Variants in TRAPPC9 observed in about 807,000 individuals in gnomAD.
TRAPPC9 encodes trafficking protein particle complex subunit 9.
In TRAPPC9, 83 loss-of-function variants were observed where a neutral mutation model predicts 124.0. The ratio of observed to expected loss-of-function variants is 0.67; its 90% CI spans 0.56 to 0.80. TRAPPC9 has a LOEUF of 0.80. Ranked by LOEUF, TRAPPC9 falls within the 30% of genes least tolerant of loss-of-function variation. The pLI, the probability that TRAPPC9 is intolerant of heterozygous loss-of-function variation, is 0.00. For synonymous variants in TRAPPC9, 638 were observed against 617.5 expected (o/e 1.03, Z -0.49); for missense variants, 1,302 against 1,508.3 (o/e 0.86, Z 2.27).
At chr8:140,051,357 TG>T (rs1184978897) in intron 17 of TRAPPC9, among the ~76,000 whole-genome samples, 5 of 152,204 alleles carry the variant, frequency 3.3e-5, no homozygotes, top group Admixed American at 2.0e-4. Flanking sequence ...CCTGCACCGT[TG>T]GTCGGTCATT....
chr8:139,904,552 T>C (rs67701708), intron 20 of TRAPPC9: 41,159 of 152,224 alleles, frequency 0.27, 5,625 homozygotes, highest in East Asian at 0.39. Flanking sequence ...GTGATCTCAG[T>C]TGAAGCAGTC....
At chr8:140,045,627 G>T (rs4288356) in intron 17 of TRAPPC9, among the ~76,000 whole-genome samples, 1 of 114,188 alleles carries the variant, frequency 8.8e-6, no homozygotes, top group African/African-American at 4.0e-5. Flanking sequence ...ACTCCATCTC[G>T]GCAGAAAAAA....
chr8:139,754,912 G>A (rs185553956), intron 21 of TRAPPC9, among the ~76,000 whole-genome samples: 69 of 152,312 alleles, frequency 4.5e-4, no homozygotes, highest in African/African-American at 1.5e-3. Context: ...CGGGCAAAAC[G>A]TACTAGGAAC....
intron 20 of TRAPPC9, among the ~76,000 whole-genome samples, chr8:139,900,330 T>C (rs1408311528): frequency 6.6e-6 from 1 of 152,092 alleles, no homozygotes. Context: ...AGCTCAAACA[T>C]TGCCTTATCT....
chr8:140,458,201 A>AT (rs1325694283), upstream of TRAPPC9: 1 of 1,549,856 alleles, frequency 6.5e-7, no homozygotes, highest in African/African-American at 1.4e-5. Flanking sequence ...CCGGAGCAAG[A>AT]GAACAGAGAC....
At chr8:139,795,159 C>G (rs1464432763) in intron 21 of TRAPPC9, among the ~76,000 whole-genome samples, 1 of 152,346 alleles carries the variant, frequency 6.6e-6, no homozygotes, top group Non-Finnish European at 1.5e-5. Flanking sequence ...CCCAGGTCCC[C>G]CATGGGCCCT....
chr8:139,977,772 C>T (rs964498650), intron 19 of TRAPPC9, among the ~76,000 whole-genome samples: 2 of 151,828 alleles, frequency 1.3e-5, no homozygotes, highest in Admixed American at 1.3e-4. Flanking sequence ...CCTCCGTCTC[C>T]TGGGTTCAAG....
At chr8:139,753,876 C>T (rs113162368) in intron 21 of TRAPPC9, among the ~76,000 whole-genome samples, 27 of 152,284 alleles carry the variant, frequency 1.8e-4, no homozygotes, top group African/African-American at 5.5e-4. Context: ...TGTGTTGTGG[C>T]CATGGGACAG....
chr8:140,441,756 G>C (rs2071024310), intron 2 of TRAPPC9, among the ~76,000 whole-genome samples: 1 of 152,164 alleles, frequency 6.6e-6, no homozygotes, highest in Admixed American at 6.5e-5. Flanking sequence ...GTAGAGACAA[G>C]GTCTCACCAT....
chr8:140,180,304 C>A (rs1477918453), intron 17 of TRAPPC9, among the ~76,000 whole-genome samples: 6 of 152,006 alleles, frequency 3.9e-5, no homozygotes, highest in Admixed American at 2.0e-4. Flanking sequence ...TATCATATAA[C>A]CTTACATATA....
intron 21 of TRAPPC9, among the ~76,000 whole-genome samples, chr8:139,744,985 T>C (rs1408616750): frequency 1.3e-5 from 2 of 152,192 alleles, no homozygotes; most frequent in Non-Finnish European, 2.9e-5. Context: ...CCAGGGCCCC[T>C]GTGGAGGGGA....
intron 21 of TRAPPC9, among the ~76,000 whole-genome samples, chr8:139,819,999 C>T (rs1333888169): frequency 1.2e-5 from 1 of 84,568 alleles, no homozygotes; most frequent in Non-Finnish European, 2.1e-5. Context: ...CAGAGTAAGA[C>T]TCTGTCTCAA....
intron 17 of TRAPPC9, chr8:140,095,639 C>A (rs1166049477): frequency 2.0e-5 from 3 of 152,184 alleles, no homozygotes; most frequent in Admixed American, 2.0e-4. Flanking sequence ...CTTTCTCACA[C>A]TCGTGGAGAA....
chr8:140,405,770 T>A, intron 5 of TRAPPC9, 72 bp from the exon 6 acceptor site: 1 of 1,581,218 alleles, frequency 6.3e-7, no homozygotes, highest in East Asian at 2.3e-5. Context: ...AAGAGGAGCA[T>A]GAATAAGACA....
chr8:140,166,786 C>T (rs1482148419), intron 17 of TRAPPC9, among the ~76,000 whole-genome samples: 1 of 152,186 alleles, frequency 6.6e-6, no homozygotes, highest in Non-Finnish European at 1.5e-5. Context: ...TCTTTTTCTT[C>T]CAAATGTGTA....
chr8:139,972,010 A>G (rs1375229782), intron 19 of TRAPPC9, among the ~76,000 whole-genome samples: 1 of 151,978 alleles, frequency 6.6e-6, no homozygotes, highest in Non-Finnish European at 1.5e-5. Context: ...TTCTTAGTAG[A>G]GATGGGGGTT....
chr8:139,843,970 C>G (rs1172469495), intron 21 of TRAPPC9, among the ~76,000 whole-genome samples: 1 of 152,240 alleles, frequency 6.6e-6, no homozygotes, highest in Non-Finnish European at 1.5e-5. Context: ...ACAGTGCTCT[C>G]TAGCTATTCC....
rs558910355 is a variant in TRAPPC9, at chr8:140,314,899, T to C, written c.1496-3525A>G. Among the ~76,000 whole-genome samples the C allele has an allele frequency of 1.1e-4, 16 of 152,374 alleles. No individual in the cohort carries two copies. The South Asian group carries it at 2.9e-3, about 28-fold the overall frequency. On this transcript the variant is annotated intron_variant, in intron 9 of 22. Coordinates refer to ENST00000438773, the MANE Select transcript of TRAPPC9 (RefSeq NM_001160372.4). ...GCTATTTGAACAGTGCTGCAATAAA[T>C]GCAGGCATGCAGTCACCCCTTCGAC... is the stretch of plus-strand genomic sequence containing the variant.
rs11333185 is a variant in TRAPPC9 at position 139,922,184 on chromosome 8, G to GT, written c.2811-11885dup. Among the ~76,000 whole-genome samples the GT allele has an allele frequency of 4.1e-3, 596 of 145,640 alleles. 4 individuals are homozygous for GT. The highest frequency in any genetic ancestry group is 9.0e-3 in the East Asian group (45 of 5,006). On this transcript the variant is annotated intron_variant, in intron 19 of 22. Transcript: ENST00000438773. ...AGGTTGATCTTTGAAATGGTTTGGT[G>GT]TTTTTTTTTTTTTGGATGGAGTCTT...
Sources: gnomAD v4.1 joint callset for allele counts (sites outside exome capture counted in the v4.1 genomes callset) on GRCh38, gnomAD v4.1.1 for gene constraint, MANE v1.5 for transcripts, NCBI Gene and HGNC (gene_info 2026-07-23, HGNC 2026-07-21) for gene names.